Variants in PCDHA12 observed in about 807,000 individuals in gnomAD.
PCDHA12 encodes protocadherin alpha 12, also known as protocadherin alpha-12.
Under a neutral mutation model 60.0 loss-of-function variants are expected in PCDHA12, and 44 were observed. The ratio of observed to expected loss-of-function variants is 0.73; its 90% confidence interval spans 0.58 to 0.94. The LOEUF is 0.94. PCDHA12 is among the 40% of genes least tolerant of loss of function. The pLI is 0.00. For synonymous variants in PCDHA12, 569 were observed against 553.0 expected (o/e 1.03, Z -0.40); for missense variants, 1,276 against 1,239.7 (o/e 1.03, Z -0.44).
In PCDHA12 at chr5:140,908,379, G is replaced by A. The variant is rs553504980; in HGVS notation, c.2367+30540G>A. Among the ~76,000 whole-genome samples the A allele has an allele frequency of 7.2e-5, 11 of 152,198 alleles. No individual in the cohort carries two copies. In the South Asian group the frequency reaches 1.2e-3, roughly 17 times the overall value. On this transcript the variant is annotated intron_variant, in intron 1 of 3. Coordinates refer to ENST00000398631, the MANE Select transcript of PCDHA12 (RefSeq NM_018903.4). ...TTACTTGTGCCTTCAGGACCTGCTC[G>A]AGCCCGATCACATATATACCACTTC...
At chr5:140,897,667 A>G (rs2066254740) in intron 1 of PCDHA12, among the ~76,000 whole-genome samples, 1 of 152,134 alleles carries the variant, frequency 6.6e-6, no homozygotes, top group Non-Finnish European at 1.5e-5. Context: ...ATGTGTCTTT[A>G]TAGCAGCATG....
intron 1 of PCDHA12, chr5:140,883,270 T>C: frequency 6.2e-7 from 1 of 1,614,106 alleles, no homozygotes; most frequent in Non-Finnish European, 8.5e-7. Flanking sequence ...CGGGTCATTG[T>C]ACCCTTTTGG....
At chr5:140,969,470 T>G in intron 1 of PCDHA12, 1 of 1,483,706 alleles carries the variant, frequency 6.7e-7, no homozygotes, top group African/African-American at 1.4e-5. Context: ...TATCCACAAT[T>G]TGATCATAAT....
chr5:140,924,872 G>A (rs1161649938), intron 1 of PCDHA12, among the ~76,000 whole-genome samples: 2 of 149,350 alleles, frequency 1.3e-5, no homozygotes, highest in South Asian at 2.1e-4. Context: ...TCCAGCCTGG[G>A]TGACAGAGCA....
At chr5:140,882,551 C>A in intron 1 of PCDHA12, 1 of 1,614,216 alleles carries the variant, frequency 6.2e-7, no homozygotes, top group Non-Finnish European at 8.5e-7. Flanking sequence ...CCGCGAGGAG[C>A]TGTGTGGGCG....
chr5:140,985,465 A>T (rs1195143465), intron 3 of PCDHA12, among the ~76,000 whole-genome samples: 1 of 152,126 alleles, frequency 6.6e-6, no homozygotes, highest in Non-Finnish European at 1.5e-5. Flanking sequence ...TGCTCCAAAA[A>T]ATTTGGTTGT....
intron 1 of PCDHA12, among the ~76,000 whole-genome samples, chr5:140,934,604 G>C (rs1389000917): frequency 6.6e-6 from 1 of 151,762 alleles, no homozygotes; most frequent in Non-Finnish European, 1.5e-5. Context: ...TCAACTATTT[G>C]ATTAGCCTGA....
intron 1 of PCDHA12, among the ~76,000 whole-genome samples, chr5:140,941,281 C>G (rs12652617): frequency 1.4e-5 from 1 of 69,002 alleles, no homozygotes. Flanking sequence ...TTCCTTCCTT[C>G]CTTTCTCTTT....
chr5:140,886,189 G>A (rs2060889525), intron 1 of PCDHA12, among the ~76,000 whole-genome samples: 1 of 152,090 alleles, frequency 6.6e-6, no homozygotes. Context: ...ATGCTGGCAA[G>A]CAGTAATCTG....
chr5:140,937,911 CAA>C (rs200797202), intron 1 of PCDHA12, among the ~76,000 whole-genome samples: 76 of 117,920 alleles, frequency 6.4e-4, no homozygotes, highest in Admixed American at 7.8e-4. Context: ...GACTCCGTCT[CAA>C]AAAAAAAAAA....
chr5:140,908,256 A>G (rs192899359), intron 1 of PCDHA12, among the ~76,000 whole-genome samples: 9 of 152,248 alleles, frequency 5.9e-5, no homozygotes, highest in Non-Finnish European at 1.0e-4. Flanking sequence ...AACTGATCAT[A>G]GGGAACTCCC....
intron 1 of PCDHA12, chr5:140,883,566 C>A: frequency 1.2e-5 from 19 of 1,614,176 alleles, no homozygotes; most frequent in Non-Finnish European, 1.5e-5. Flanking sequence ...GGGGGCTCGC[C>A]TTCGCTGTGG....
At chr5:140,903,401 T>A (rs577425497) in intron 1 of PCDHA12, among the ~76,000 whole-genome samples, 2 of 152,336 alleles carry the variant, frequency 1.3e-5, no homozygotes, top group East Asian at 3.9e-4. Flanking sequence ...GAAACAGTAG[T>A]GCAGTCAGGA....
At chr5:140,969,919 T>C (rs773906362) in intron 1 of PCDHA12, among the ~76,000 whole-genome samples, 1 of 152,198 alleles carries the variant, frequency 6.6e-6, no homozygotes, top group South Asian at 2.1e-4. Flanking sequence ...GATAAAGCTG[T>C]AGTATTTAGA....
intron 1 of PCDHA12, among the ~76,000 whole-genome samples, chr5:140,909,474 C>G (rs1554193804): frequency 6.6e-6 from 1 of 152,182 alleles, no homozygotes; most frequent in African/African-American, 2.4e-5. Context: ...TCTTCACAGG[C>G]TAAATAGGAG....
At chr5:140,920,136 C>T (rs1554199437) in intron 1 of PCDHA12, among the ~76,000 whole-genome samples, 1 of 152,182 alleles carries the variant, frequency 6.6e-6, no homozygotes, top group African/African-American at 2.4e-5. Flanking sequence ...TTTAATTCTC[C>T]TCTCCAAACC....
intron 1 of PCDHA12, among the ~76,000 whole-genome samples, chr5:140,960,167 CTTAAG>C (rs1291277794): frequency 1.3e-5 from 2 of 152,052 alleles, no homozygotes; most frequent in Non-Finnish European, 2.9e-5. Context: ...TAATACAATT[CTTAAG>C]TTAGGGGTTG....
chr5:140,971,718 G>A (rs1554233569), intron 1 of PCDHA12, among the ~76,000 whole-genome samples: 3 of 151,796 alleles, frequency 2.0e-5, no homozygotes, highest in Non-Finnish European at 2.9e-5. Flanking sequence ...ATAGATATAT[G>A]TATATCATAC....
chr5:140,927,191 T>TG, intron 1 of PCDHA12: 1 of 1,614,144 alleles, frequency 6.2e-7, no homozygotes, highest in East Asian at 2.2e-5. Flanking sequence ...TACGACCTGG[T>TG]GCTCGAGGAC....
Sources: gnomAD v4.1 joint callset for allele counts (sites outside exome capture counted in the v4.1 genomes callset) on GRCh38, gnomAD v4.1.1 for gene constraint, MANE v1.5 for transcripts, NCBI Gene and HGNC (gene_info 2026-07-23, HGNC 2026-07-21) for gene names.